Variants in CKAP4 observed in about 807,000 individuals in gnomAD.
The protein encoded by CKAP4 is cytoskeleton associated protein 4.
CKAP4 carries 20 observed loss-of-function variants against 24.4 expected under a neutral mutation model. The ratio of observed to expected loss-of-function variants is 0.82; its 90% CI spans 0.58 to 1.19. The LOEUF is 1.19. Ranked by LOEUF, CKAP4 falls within the 50% of genes most tolerant of loss-of-function variation. CKAP4 has a pLI of 0.00. For synonymous variants in CKAP4, 378 were observed against 351.7 expected (o/e 1.07, Z -0.84); for missense variants, 744 against 765.3 (o/e 0.97, Z 0.33).
Position 106,247,605 on chromosome 12 carries a change from A to C in CKAP4, c.247T>G (p.Ser83Ala), listed in dbSNP as rs1245410285. 13 of 1,224,450 alleles carry C rather than the reference A, an allele frequency of 1.1e-5. No homozygotes were observed. The highest frequency in any genetic ancestry group is 9.7e-5 in the Admixed American group (3 of 30,976). The allele number at this position is 1,224,450 out of a possible 1,614,324, so 75.8% of individuals were successfully genotyped here. The change falls in exon 1 of 2, where the codon TCC becomes GCC. Residue 83 changes from serine to alanine, a missense_variant. Ser to Ala is a moderately conservative substitution (Grantham distance 99). This residue lies in a region of CKAP4 where 300 missense variants were observed against 264.5 expected (regional missense o/e 1.13). Transcript: ENST00000378026. This position sits in a 1 kb window ranked among gnomAD's most constrained non-coding sequence, Gnocchi z 4.5. ...GCGGCAGCGGCGGCGGAGGCGGAGG[A>C]GGAGGAGGAGGACTTGCCGCCGCCG... ...GGGGGKSSSS[S>A]SASAAAAAAA... is the part of the protein sequence containing the mutation.
In CKAP4 at chr12:106,247,441, G is replaced by A. The variant is rs1287261973; in HGVS notation, c.411C>T (p.Val137=). ...GGGAGAAGTCCTGGTGGCTGCGCCG[G>A]ACCTGCTGGACCTCCTCCAGGACGT... ...VHHVLEEVQQ[V]RRSHQDFSRQ... Residue 137 remains valine, a synonymous_variant, in exon 1 of 2, where the codon GTC becomes GTT. Coordinates refer to ENST00000378026, the MANE Select transcript of CKAP4 (RefSeq NM_006825.4). This position sits in a 1 kb window ranked among gnomAD's most constrained non-coding sequence, Gnocchi z 4.5. 1.9e-6 allele frequency: 3 copies of A among 1,543,936 alleles called. No homozygotes were observed. The highest frequency in any genetic ancestry group is 2.6e-6 in the Non-Finnish European group (3 of 1,146,770).
chr12:106,247,599 C>CGGAGGAGGA lies in CKAP4; in HGVS notation c.244_252dup (p.Ser82_Ser84dup), dbSNP rs576389141. Reference sequence around the variant, plus strand: ...GCGGCGGCGGCAGCGGCGGCGGAGGCGGAGGAGGAGGAGGAGGACTTGCCG... The same window carrying CGGAGGAGGA: ...GCGGCGGCGGCAGCGGCGGCGGAGGCGGAGGAGGAGGAGGAGGAGGAGGAGGACTTGCCG... On this transcript the variant is annotated inframe_insertion, in exon 1 of 2. Coordinates refer to ENST00000378026, the MANE Select transcript of CKAP4 (RefSeq NM_006825.4). The surrounding 1 kb of genome is among the most constrained non-coding windows in gnomAD (Gnocchi z 4.5). 38 of 1,294,782 alleles carry CGGAGGAGGA rather than the reference C, an allele frequency of 2.9e-5. No homozygotes were observed. Among genetic ancestry groups the CGGAGGAGGA allele is most frequent in the Non-Finnish European group, 2.9e-5 (29 of 1,007,976 alleles). 80.2% of individuals were successfully genotyped at this position (1,294,782 alleles called of 1,614,324 possible). A position where few individuals can be genotyped will look rare whatever the true frequency, so the allele number is the denominator to read the frequency against.
At chr12:106,245,408 G>C (rs1002531843) in intron 1 of CKAP4, among the ~76,000 whole-genome samples, 4 of 152,162 alleles carry the variant, frequency 2.6e-5, no homozygotes, top group Non-Finnish European at 4.4e-5. Context: ...TAGTAAGTAG[G>C]AGGATGAAAG....
Position 106,247,340 on chromosome 12 carries a change from G to A in CKAP4, c.483+29C>T, listed in dbSNP as rs2034021172. 1 of 1,509,802 alleles carries A rather than the reference G, an allele frequency of 6.6e-7. No homozygotes were observed. The highest frequency in any genetic ancestry group is 1.4e-5 in the African/African-American group (1 of 70,236). 93.5% of individuals were successfully genotyped at this position (1,509,802 alleles called of 1,614,324 possible). Reference sequence around the variant, plus strand: ...GTGGGTCCGGAGGCCGCAGTCGATGGGGACAGTTGCGGGGCCGGGGGTACC... The same window carrying A: ...GTGGGTCCGGAGGCCGCAGTCGATGAGGACAGTTGCGGGGCCGGGGGTACC... On this transcript the variant is annotated intron_variant, in intron 1 of 1. Coordinates refer to ENST00000378026, the MANE Select transcript of CKAP4 (RefSeq NM_006825.4). The surrounding 1 kb of genome is among the most constrained non-coding windows in gnomAD (Gnocchi z 4.5).
At position 106,239,720 on chromosome 12, in the gene CKAP4, C is replaced by G. The variant is rs2033951386; in HGVS notation, c.1113G>C (p.Arg371=). 6.2e-7 allele frequency: 1 copy of G among 1,614,120 alleles called. No individual in the cohort carries two copies. The change falls in exon 2 of 2, where the codon CGG becomes CGC. Residue 371 remains arginine (R), a synonymous_variant. Coordinates refer to ENST00000378026, the MANE Select transcript of CKAP4 (RefSeq NM_006825.4). This position sits in a 1 kb window ranked among gnomAD's most constrained non-coding sequence, Gnocchi z 4.9. ...GCTGGCGGAGCTCTTCCTCCAGTCT[C>G]CGGATCTCCTCCGGGAGGCGGGAGA... ...ESVSRLPEEI[R]RLEEELRQLK...
In CKAP4 at chr12:106,245,331, C is replaced by T. The variant is rs2033999277; in HGVS notation, c.483+2038G>A. Among the ~76,000 whole-genome samples the T allele has an allele frequency of 3.3e-5, 5 of 152,264 alleles. No homozygotes were observed. In the South Asian group the frequency reaches 1.0e-3, roughly 32 times the overall value. ...AAGTGATTCGTGTCTTTTGCTCCTTCATACCCTCCCACAAAGCCTACACAG... is the reference window on the plus strand; with the variant it reads ...AAGTGATTCGTGTCTTTTGCTCCTTTATACCCTCCCACAAAGCCTACACAG... On this transcript the variant is annotated intron_variant, in intron 1 of 1. Coordinates refer to ENST00000378026, the MANE Select transcript of CKAP4 (RefSeq NM_006825.4).
rs1046901070 is a variant in CKAP4 at position 106,239,622 on chromosome 12, T to C, written c.1211A>G (p.Gln404Arg). The change falls in exon 2 of 2, where the codon CAA becomes CGA. Residue 404 changes from glutamine (Q) to arginine (R), a missense_variant. Coordinates refer to ENST00000378026, the MANE Select transcript of CKAP4 (RefSeq NM_006825.4). This position sits in a 1 kb window ranked among gnomAD's most constrained non-coding sequence, Gnocchi z 4.9. Reference sequence around the variant, plus strand: ...CCTGGAGTCCAGTCCCTGACTCTTTTGCTGGAGTGCCTCAAAGGCTTCCGA... The same window carrying C: ...CCTGGAGTCCAGTCCCTGACTCTTTCGCTGGAGTGCCTCAAAGGCTTCCGA... ...RHSEAFEALQ[Q>R]KSQGLDSRLQ... 1.2e-6 allele frequency: 2 copies of C among 1,614,202 alleles called. No individual in the cohort carries two copies. The highest frequency in any genetic ancestry group is 1.3e-5 in the African/African-American group (1 of 75,068).
rs11559179 is a variant in CKAP4, at chr12:106,239,701, G to A, written c.1132C>T (p.Arg378Cys). Residue 378 changes from arginine (R) to cysteine (C), a missense_variant, in exon 2 of 2, where the codon CGC becomes TGC. Arg to Cys is a radical substitution (Grantham distance 180, BLOSUM62 -3). This residue lies in a region of CKAP4 where 401 missense variants were observed against 424.5 expected (regional missense o/e 0.94). Transcript: ENST00000378026. This position sits in a 1 kb window ranked among gnomAD's most constrained non-coding sequence, Gnocchi z 4.9. Reference sequence around the variant, plus strand: ...CCGTGGGAATCGGACTTCAGCTGGCGGAGCTCTTCCTCCAGTCTCCGGATC... The same window carrying A: ...CCGTGGGAATCGGACTTCAGCTGGCAGAGCTCTTCCTCCAGTCTCCGGATC... The part of the protein sequence containing the change: ...EEIRRLEEEL[R>C]QLKSDSHGPK... The A allele has an allele frequency of 1.9e-4, 302 of 1,613,954 alleles. 1 individual carries two copies. The highest frequency in any genetic ancestry group is 8.3e-5 in the Admixed American group (5 of 60,002).
chr12:106,242,178 G>T (rs920202397), intron 1 of CKAP4, among the ~76,000 whole-genome samples: 3 of 152,154 alleles, frequency 2.0e-5, no homozygotes, highest in Non-Finnish European at 4.4e-5. Context: ...AAACAGTACC[G>T]GACTCATATG....
intron 1 of CKAP4, among the ~76,000 whole-genome samples, chr12:106,245,262 T>G (rs956667768): frequency 4.6e-5 from 7 of 152,118 alleles, no homozygotes; most frequent in Admixed American, 4.6e-4. Flanking sequence ...CTTCTGAACT[T>G]TCACAGGAGT....
intron 1 of CKAP4, among the ~76,000 whole-genome samples, chr12:106,243,854 A>G (rs1372374834): frequency 6.6e-6 from 1 of 152,226 alleles, no homozygotes; most frequent in Non-Finnish European, 1.5e-5. Context: ...CATCTGCAAA[A>G]TGGTACTACT....
chr12:106,242,821 C>A (rs2033979191), intron 1 of CKAP4, among the ~76,000 whole-genome samples: 1 of 152,176 alleles, frequency 6.6e-6, no homozygotes, highest in Non-Finnish European at 1.5e-5. Flanking sequence ...ATGAGCTGGT[C>A]CATGTCTCCT....
Position 106,239,240 on chromosome 12 carries a change from G to A in CKAP4, c.1593C>T (p.Asp531=). Residue 531 remains aspartate, a synonymous_variant, in exon 2 of 2, where the codon GAC becomes GAT. Transcript: ENST00000378026. The surrounding 1 kb of genome is among the most constrained non-coding windows in gnomAD (Gnocchi z 4.9). ...AARLPPQDFL[D]RLSSLDNLKA... ...TCAGGTTGTCTAGAGAAGAAAGTCT[G>A]TCCAGGAAGTCCTGAGGAGGCAGAC... The A allele has an allele frequency of 6.2e-7, 1 of 1,614,062 alleles. No individual in the cohort carries two copies. Among genetic ancestry groups the A allele is most frequent in the Non-Finnish European group, 8.5e-7 (1 of 1,180,038 alleles).
chr12:106,248,007 G>A lies in CKAP4; in HGVS notation c.-156C>T. The A allele has an allele frequency of 3.2e-6, 1 of 312,458 alleles. No homozygotes were observed. The highest frequency in any genetic ancestry group is 1.3e-4 in the South Asian group (1 of 7,996). The allele number at this position is 312,458 out of a possible 1,614,324, so 19.4% of individuals were successfully genotyped here. On this transcript the variant is annotated 5_prime_UTR_variant, in exon 1 of 2. Transcript: ENST00000378026. ...AGAGGACGCGCGGCCGGGGAAGGAG[G>A]CCGGGCCGAGGAGGCGGGAGGAGGG...
chr12:106,239,766 A>C lies in CKAP4; in HGVS notation c.1067T>G (p.Leu356Arg). Reference protein sequence around the residue: ...RLALQALTEKLLRSEESVSRL... With the variant: ...RLALQALTEKRLRSEESVSRL... ...GGAGACGGACTCCTCAGACCTGAGA[A>C]GCTTCTCCGTGAGGGCCTGCAGGGC... The change falls in exon 2 of 2, where the codon CTT becomes CGT. Residue 356 changes from leucine to arginine, a missense_variant. By Grantham distance (102) the Leu-to-Arg change is moderately radical. Coordinates refer to ENST00000378026, the MANE Select transcript of CKAP4 (RefSeq NM_006825.4). This position sits in a 1 kb window ranked among gnomAD's most constrained non-coding sequence, Gnocchi z 4.9. The C allele has an allele frequency of 6.2e-7, 1 of 1,613,912 alleles. No individual in the cohort carries two copies. The highest frequency in any genetic ancestry group is 8.5e-7 in the Non-Finnish European group (1 of 1,179,986).
In CKAP4 at chr12:106,247,999, G is replaced by A; in HGVS notation, c.-148C>T. On this transcript the variant is annotated 5_prime_UTR_variant, in exon 1 of 2. Transcript: ENST00000378026. The surrounding 1 kb of genome is among the most constrained non-coding windows in gnomAD (Gnocchi z 4.5). ...GAGCGGCGAGAGGACGCGCGGCCGG[G>A]GAAGGAGGCCGGGCCGAGGAGGCGG... 4 of 363,084 alleles carry A rather than the reference G, an allele frequency of 1.1e-5. No individual in the cohort carries two copies. Among genetic ancestry groups the A allele is most frequent in the Non-Finnish European group, 1.5e-5 (4 of 258,964 alleles). The allele number at this position is 363,084 out of a possible 1,614,324, so 22.5% of individuals were successfully genotyped here. A position where few individuals can be genotyped will look rare whatever the true frequency, so the allele number is the denominator to read the frequency against.
Position 106,239,228 on chromosome 12 carries a change from A to C in CKAP4, c.1605T>G (p.Ser535=), listed in dbSNP as rs1356637856. The C allele has an allele frequency of 6.2e-7, 1 of 1,614,102 alleles. No individual in the cohort carries two copies. The change falls in exon 2 of 2, where the codon TCT becomes TCG. Residue 535 remains serine (S), a synonymous_variant. Coordinates refer to ENST00000378026, the MANE Select transcript of CKAP4 (RefSeq NM_006825.4). This position sits in a 1 kb window ranked among gnomAD's most constrained non-coding sequence, Gnocchi z 4.9. ...TGACTGAGGCTTTCAGGTTGTCTAG[A>C]GAAGAAAGTCTGTCCAGGAAGTCCT... ...PPQDFLDRLS[S]LDNLKASVSQ...
Position 106,240,101 on chromosome 12 carries a change from G to T in CKAP4, c.732C>A (p.Leu244=), listed in dbSNP as rs757231622. 2 of 1,614,170 alleles carry T rather than the reference G, an allele frequency of 1.2e-6. No homozygotes were observed. The highest frequency in any genetic ancestry group is 1.7e-5 in the Admixed American group (1 of 60,018). ...ENTVEERLTE[L]TKSINDNIAI... ...CGATGTTGTCGTTGATGGATTTGGTGAGCTCCGTCAGCCGCTCCTCCACCG... is the reference window on the plus strand; with the variant it reads ...CGATGTTGTCGTTGATGGATTTGGTTAGCTCCGTCAGCCGCTCCTCCACCG... Residue 244 remains leucine (L), a synonymous_variant, in exon 2 of 2, where the codon CTC becomes CTA. Transcript: ENST00000378026.
At position 106,247,208 on chromosome 12, in the gene CKAP4, G is replaced by A. The variant is rs2034019700; in HGVS notation, c.483+161C>T. On this transcript the variant is annotated intron_variant, in intron 1 of 1. Transcript: ENST00000378026. This position sits in a 1 kb window ranked among gnomAD's most constrained non-coding sequence, Gnocchi z 4.5. ...CCTCGGAACTAGGGGGCCGCGTGGA[G>A]TGGGATGTCTAGGCCAGGGCCCGCC... Among the ~76,000 whole-genome samples, 1 of 152,122 alleles carries A rather than the reference G, an allele frequency of 6.6e-6. No individual in the cohort carries two copies. The highest frequency in any genetic ancestry group is 1.5e-5 in the Non-Finnish European group (1 of 68,004).
Sources: gnomAD v4.1 joint callset for allele counts (sites outside exome capture counted in the v4.1 genomes callset) on GRCh38, gnomAD v4.1.1 for gene constraint, gnomAD v4.1.1 regional missense constraint, Gnocchi (gnomAD v3.1) non-coding constraint, MANE v1.5 for transcripts, NCBI Gene and HGNC (gene_info 2026-07-23, HGNC 2026-07-21) for gene names.